Variants in NOXRED1 observed in about 807,000 individuals in gnomAD.
NOXRED1 encodes the protein NADP-dependent oxidoreductase domain-containing protein 1.
NOXRED1 carries 20 observed loss-of-function variants against 30.4 expected under a neutral mutation model. The observed-to-expected ratio is 0.66, with a 90% CI of 0.46 to 0.96. The LOEUF (loss-of-function observed/expected upper bound fraction) is 0.96. Ranked by LOEUF, NOXRED1 falls within the 40% of genes least tolerant of loss-of-function variation. The pLI, the probability that NOXRED1 is intolerant of heterozygous loss-of-function variation, is 0.00. For synonymous variants in NOXRED1, 155 were observed against 168.0 expected (o/e 0.92, Z 0.60); for missense variants, 374 against 428.0 (o/e 0.87, Z 1.11).
chr14:77,395,154 G>A (rs1566704277), intron 5 of NOXRED1, among the ~76,000 whole-genome samples: 1 of 142,468 alleles, frequency 7.0e-6, no homozygotes, highest in Admixed American at 7.2e-5. Context: ...CGCCCAGGCT[G>A]GAGTGCAGTG....
Position 77,422,975 on chromosome 14 carries a change from G to T in NOXRED1, c.-86C>A. The T allele has an allele frequency of 1.8e-6, 2 of 1,082,172 alleles. No individual in the cohort carries two copies. The highest frequency in any genetic ancestry group is 2.7e-6 in the Non-Finnish European group (2 of 735,850). The allele number at this position is 1,082,172 out of a possible 1,614,324, so 67.0% of individuals were successfully genotyped here. ...GAAGAGGGGTCTATGTAGGAGGTGT[G>T]TGTATGATGGTGTGTGTGCCCAGGT... On this transcript the variant is annotated 5_prime_UTR_variant, in exon 1 of 6. Coordinates refer to ENST00000380835, the MANE Select transcript of NOXRED1 (RefSeq NM_001113475.3).
rs35292349 is a variant in NOXRED1, at chr14:77,396,248, CTT to C, written c.906-1445_906-1444del. On this transcript the variant is annotated intron_variant, in intron 5 of 5. Coordinates refer to ENST00000380835, the MANE Select transcript of NOXRED1 (RefSeq NM_001113475.3). Reference sequence around the variant, plus strand: ...ATCTATGTAGAAAACTCCAAGGAATCTTTTTTTTTTTTTTTTTTGAAATGGAG... The same window carrying C: ...ATCTATGTAGAAAACTCCAAGGAATCTTTTTTTTTTTTTTTTGAAATGGAG... 7.8e-3 allele frequency among the ~76,000 whole-genome samples: 1,022 copies of C among 131,014 alleles called. 13 individuals carry two copies. Among genetic ancestry groups the C allele is most frequent in the South Asian group, 0.038 (158 of 4,118 alleles). 86.0% of individuals were successfully genotyped at this position (131,014 alleles called of 152,430 possible). A position where few individuals can be genotyped will look rare whatever the true frequency, so the allele number is the denominator to read the frequency against.
At chr14:77,417,772 C>G (rs1372940143) in intron 1 of NOXRED1, among the ~76,000 whole-genome samples, 2 of 152,076 alleles carry the variant, frequency 1.3e-5, no homozygotes, top group African/African-American at 4.8e-5. Flanking sequence ...GTTTAATCCA[C>G]TTACATTTAA....
At position 77,411,394 on chromosome 14, in the gene NOXRED1, C is replaced by T. The variant is rs143608953; in HGVS notation, c.349+2540G>A. ...CTGGGGCAGGAGAATCGCTTGAACC[C>T]GGGAGGCTGAGGTTGCCGTGAGCCG... On this transcript the variant is annotated intron_variant, in intron 2 of 5. Transcript: ENST00000380835. 5.8e-3 allele frequency among the ~76,000 whole-genome samples: 840 copies of T among 144,530 alleles called. 12 individuals are homozygous for T. The highest frequency in any genetic ancestry group is 0.019 in the African/African-American group (756 of 39,060). 94.8% of individuals were successfully genotyped at this position (144,530 alleles called of 152,430 possible). A position where few individuals can be genotyped will look rare whatever the true frequency, so the allele number is the denominator to read the frequency against.
intron 5 of NOXRED1, among the ~76,000 whole-genome samples, chr14:77,405,370 G>A (rs752080577): frequency 6.6e-5 from 10 of 152,186 alleles, no homozygotes; most frequent in Non-Finnish European, 1.3e-4. Context: ...ACTCCAGCCT[G>A]GGTGACAGAG....
chr14:77,406,901 T>A, intron 3 of NOXRED1, 26 bp from the exon 4 acceptor site: 1 of 1,602,734 alleles, frequency 6.2e-7, no homozygotes, highest in Non-Finnish European at 8.5e-7. Flanking sequence ...AGACAGGGAG[T>A]GCAATGCCAG....
chr14:77,412,448 G>A (rs1230046844), intron 2 of NOXRED1, among the ~76,000 whole-genome samples: 3 of 152,174 alleles, frequency 2.0e-5, no homozygotes, highest in Non-Finnish European at 4.4e-5. Flanking sequence ...GCAAGAGACT[G>A]TGCTCAAAGC....
At chr14:77,417,221 T>C (rs182118425) in intron 1 of NOXRED1, among the ~76,000 whole-genome samples, 27 of 152,288 alleles carry the variant, frequency 1.8e-4, no homozygotes, top group African/African-American at 6.3e-4. Context: ...TAACGTGATC[T>C]ATCCTGGAAA....
rs1197692879 is a variant in NOXRED1 at position 77,423,090 on chromosome 14, TGTGA to T, written c.-205_-202del. The T allele has an allele frequency of 3.6e-5, 19 of 531,594 alleles. No individual in the cohort carries two copies. Among genetic ancestry groups the T allele is most frequent in the African/African-American group, 2.7e-4 (14 of 51,780 alleles). 32.9% of individuals were successfully genotyped at this position (531,594 alleles called of 1,614,324 possible). A position where few individuals can be genotyped will look rare whatever the true frequency, so the allele number is the denominator to read the frequency against. ...CCTCTCTTGAATTCACACTCTAGAG[TGTGA>T]GTGTTTGAGGATTCCTAATCACTGG... On this transcript the variant is annotated 5_prime_UTR_variant, in exon 1 of 6. Coordinates refer to ENST00000380835, the MANE Select transcript of NOXRED1 (RefSeq NM_001113475.3).
At chr14:77,407,187 A>G (rs1894491880) in intron 3 of NOXRED1, among the ~76,000 whole-genome samples, 1 of 152,212 alleles carries the variant, frequency 6.6e-6, no homozygotes, top group Non-Finnish European at 1.5e-5. Flanking sequence ...GCACAAGGAG[A>G]ATACTTCAGT....
intron 1 of NOXRED1, among the ~76,000 whole-genome samples, chr14:77,419,691 G>GC (rs1386722465): frequency 1.3e-5 from 2 of 151,144 alleles, no homozygotes; most frequent in East Asian, 3.9e-4. Context: ...ATCGTGATCC[G>GC]CCCCCCTCAG....
intron 2 of NOXRED1, among the ~76,000 whole-genome samples, chr14:77,412,088 G>C (rs918082658): frequency 8.5e-6 from 1 of 118,038 alleles, no homozygotes; most frequent in African/African-American, 3.4e-5. Context: ...AGGTGACAGA[G>C]CAAGACTCAG....
chr14:77,422,745 A>G lies in NOXRED1; in HGVS notation c.145T>C (p.Tyr49His). 13 of 1,614,044 alleles carry G rather than the reference A, an allele frequency of 8.1e-6. No individual in the cohort carries two copies. The highest frequency in any genetic ancestry group is 1.1e-5 in the Non-Finnish European group (13 of 1,179,886). ...GGATACTCGGCTTACCTCAAATTAT[A>G]TAATAGTTTGCAGAAGAAGGTTGCA... The part of the protein sequence containing the change: ...AHATFFCKLL[Y>H]NLRASLNKNQ... Residue 49 changes from tyrosine (Y) to histidine (H), a missense_variant, in exon 1 of 6, where the codon TAT becomes CAT. Transcript: ENST00000380835.
In NOXRED1 at chr14:77,422,983, T is replaced by C. The variant is rs1344464311; in HGVS notation, c.-94A>G. The C allele has an allele frequency of 3.0e-6, 3 of 1,012,996 alleles. No homozygotes were observed. The highest frequency in any genetic ancestry group is 4.4e-6 in the Non-Finnish European group (3 of 674,296). 62.8% of individuals were successfully genotyped at this position (1,012,996 alleles called of 1,614,324 possible). A position where few individuals can be genotyped will look rare whatever the true frequency, so the allele number is the denominator to read the frequency against. On this transcript the variant is annotated 5_prime_UTR_variant, in exon 1 of 6. Transcript: ENST00000380835. ...GTCTATGTAGGAGGTGTGTGTATGATGGTGTGTGTGCCCAGGTCACAAGCA... is the reference window on the plus strand; with the variant it reads ...GTCTATGTAGGAGGTGTGTGTATGACGGTGTGTGTGCCCAGGTCACAAGCA...
Position 77,394,226 on chromosome 14 carries a change from G to A in NOXRED1, c.*405C>T, listed in dbSNP as rs1344527549. 6.5e-6 allele frequency: 1 copy of A among 153,898 alleles called. No homozygotes were observed. The highest frequency in any genetic ancestry group is 1.4e-5 in the Non-Finnish European group (1 of 69,258). 9.5% of individuals were successfully genotyped at this position (153,898 alleles called of 1,614,324 possible). A position where few individuals can be genotyped will look rare whatever the true frequency, so the allele number is the denominator to read the frequency against. On this transcript the variant is annotated 3_prime_UTR_variant, in exon 6 of 6. Coordinates refer to ENST00000380835, the MANE Select transcript of NOXRED1 (RefSeq NM_001113475.3). Reference sequence around the variant, plus strand: ...TCCAAAATTGTGAGAAAATCAAACTGTATCTTTTTCCAGCTACCTACTGCT... The same window carrying A: ...TCCAAAATTGTGAGAAAATCAAACTATATCTTTTTCCAGCTACCTACTGCT...
chr14:77,407,413 G>C (rs1222974882), intron 3 of NOXRED1, 52 bp downstream of exon 3: 5 of 1,365,392 alleles, frequency 3.7e-6, no homozygotes, highest in Non-Finnish European at 5.2e-6. Context: ...AGAAGTCAGA[G>C]ATAAGGAGAC....
At chr14:77,400,961 A>C (rs1263680686) in intron 5 of NOXRED1, among the ~76,000 whole-genome samples, 2 of 152,348 alleles carry the variant, frequency 1.3e-5, no homozygotes, top group Non-Finnish European at 2.9e-5. Context: ...TTTCATGTTC[A>C]TGGAGAAGAA....
Position 77,422,785 on chromosome 14 carries a change from G to A in NOXRED1, c.105C>T (p.Ile35=), listed in dbSNP as rs748941333. The change falls in exon 1 of 6, where the codon ATC becomes ATT. Residue 35 remains isoleucine (I), a synonymous_variant. Coordinates refer to ENST00000380835, the MANE Select transcript of NOXRED1 (RefSeq NM_001113475.3). Reference sequence around the variant, plus strand: ...AGAAGGTTGCATGGGCACAAGCCTCGATCATCAGTCCCCGAGAACGGCCCT... The same window carrying A: ...AGAAGGTTGCATGGGCACAAGCCTCAATCATCAGTCCCCGAGAACGGCCCT... ...YLQGRSRGLM[I]EACAHATFFC... 3.7e-6 allele frequency: 6 copies of A among 1,613,956 alleles called. No individual in the cohort carries two copies. The highest frequency in any genetic ancestry group is 1.1e-5 in the South Asian group (1 of 91,068).
At chr14:77,398,627 G>A (rs770167607) in intron 5 of NOXRED1, among the ~76,000 whole-genome samples, 4 of 152,118 alleles carry the variant, frequency 2.6e-5, no homozygotes, top group African/African-American at 4.8e-5. Flanking sequence ...AGACCTACCC[G>A]TAGGACTATA....
Sources: gnomAD v4.1 joint callset for allele counts (sites outside exome capture counted in the v4.1 genomes callset) on GRCh38, gnomAD v4.1.1 for gene constraint, MANE v1.5 for transcripts, NCBI Gene and HGNC (gene_info 2026-07-23, HGNC 2026-07-21) for gene names.